Variants in B3GALT1 observed in about 807,000 individuals in gnomAD.
B3GALT1 encodes UDP-Gal:betaGlcNAc beta 1,3-galactosyltransferase, polypeptide 1.
Under a neutral mutation model 23.2 loss-of-function variants are expected in B3GALT1, and 10 were observed. The observed-to-expected ratio is 0.43, with a 90% CI of 0.27 to 0.73. The LOEUF is 0.73. B3GALT1 is among the 30% of genes least tolerant of loss of function. The probability of loss-of-function intolerance (pLI) is 0.21; values close to 1 mark genes in which losing one functional copy is unlikely to be tolerated. For missense variants in B3GALT1, 299 were observed against 405.4 expected, an observed-to-expected ratio of 0.74 and a Z score of 2.25; for synonymous variants, 156 against 141.5, an observed-to-expected ratio of 1.10 and a Z score of -0.73.
chr2:167,696,056 A>C (rs1362753288), intron 3 of B3GALT1, among the ~76,000 whole-genome samples: 1 of 152,182 alleles, frequency 6.6e-6, no homozygotes, highest in East Asian at 1.9e-4. Flanking sequence ...ACTGGCATCC[A>C]TGTGCCCTAC....
At chr2:167,570,219 A>G (rs1235208849) in intron 2 of B3GALT1, among the ~76,000 whole-genome samples, 1 of 151,934 alleles carries the variant, frequency 6.6e-6, no homozygotes, top group Non-Finnish European at 1.5e-5. Flanking sequence ...GTCTTCTGAA[A>G]GAGATTATAG....
At chr2:167,400,787 A>T (rs1698176085) in intron 1 of B3GALT1, among the ~76,000 whole-genome samples, 1 of 152,120 alleles carries the variant, frequency 6.6e-6, no homozygotes, top group African/African-American at 2.4e-5. Context: ...TTAATAGCTT[A>T]ATTGGGTGAA....
At chr2:167,411,518 TATC>T (rs528755915) in intron 1 of B3GALT1, among the ~76,000 whole-genome samples, 427 of 152,008 alleles carry the variant, frequency 2.8e-3, no homozygotes, top group African/African-American at 9.7e-3. Flanking sequence ...AATCCTGAAA[TATC>T]ATCTCACCCC....
intron 2 of B3GALT1, among the ~76,000 whole-genome samples, chr2:167,575,124 A>G (rs1436479619): frequency 6.6e-6 from 1 of 151,818 alleles, no homozygotes; most frequent in African/African-American, 2.4e-5. Context: ...GATAGGAACT[A>G]TCTTATAGCC....
At chr2:167,323,410 G>A (rs942496925) in intron 1 of B3GALT1, among the ~76,000 whole-genome samples, 5 of 147,888 alleles carry the variant, frequency 3.4e-5, no homozygotes, top group Non-Finnish European at 7.5e-5. Flanking sequence ...GAGTAGGCTG[G>A]TATTCAGAAA....
intron 4 of B3GALT1, among the ~76,000 whole-genome samples, chr2:167,850,116 G>T (rs373739317): frequency 2.5e-4 from 38 of 152,216 alleles, no homozygotes; most frequent in African/African-American, 8.9e-4. Context: ...CAACCCACAG[G>T]GTGGGAGAAA....
intron 2 of B3GALT1, among the ~76,000 whole-genome samples, chr2:167,527,102 A>G (rs982373417): frequency 2.6e-5 from 4 of 152,072 alleles, no homozygotes; most frequent in Non-Finnish European, 5.9e-5. Flanking sequence ...ATCATATCCT[A>G]TGATATGATG....
intron 1 of B3GALT1, among the ~76,000 whole-genome samples, chr2:167,429,365 CA>C (rs1698674366): frequency 6.6e-6 from 1 of 151,226 alleles, no homozygotes; most frequent in Non-Finnish European, 1.5e-5. Context: ...AGAATAAAGC[CA>C]AGGTTAACAT....
intron 4 of B3GALT1, among the ~76,000 whole-genome samples, chr2:167,821,773 A>C (rs1350896307): frequency 2.0e-5 from 3 of 152,158 alleles, no homozygotes; most frequent in Non-Finnish European, 2.9e-5. Flanking sequence ...CTGCTCAGAT[A>C]GAGCCACTGA....
At chr2:167,409,469 A>G in intron 1 of B3GALT1, among the ~76,000 whole-genome samples, 1 of 151,810 alleles carries the variant, frequency 6.6e-6, no homozygotes, top group East Asian at 1.9e-4. Flanking sequence ...TTGTTTCTCT[A>G]ATCTTGTCTT....
rs544801211 is a variant in B3GALT1, at chr2:167,751,485, G to C, written c.-351-67187G>C. Among the ~76,000 whole-genome samples, 3 of 152,254 alleles carry C rather than the reference G, an allele frequency of 2.0e-5. No individual in the cohort carries two copies. In the South Asian group the frequency reaches 6.2e-4, roughly 32 times the overall value. On this transcript the variant is annotated intron_variant, in intron 3 of 4. Coordinates refer to ENST00000392690, the MANE Select transcript of B3GALT1 (RefSeq NM_020981.4). ...GTCTGTGGGAGAATTTCAGAACAGA[G>C]AATTTTTTGCCAATATGTCCATTCT...
At chr2:167,825,105 G>T (rs2105370961) in intron 4 of B3GALT1, among the ~76,000 whole-genome samples, 1 of 152,036 alleles carries the variant, frequency 6.6e-6, no homozygotes, top group Non-Finnish European at 1.5e-5. Flanking sequence ...CTAACACGAT[G>T]AAACCCCGTC....
intron 3 of B3GALT1, among the ~76,000 whole-genome samples, chr2:167,728,664 G>A (rs1687359260): frequency 3.3e-5 from 5 of 152,122 alleles, no homozygotes; most frequent in Admixed American, 3.3e-4. Flanking sequence ...ATGTTAAAAA[G>A]CAAACCTTAT....
At chr2:167,298,729 A>G (rs1011956053) in intron 1 of B3GALT1, among the ~76,000 whole-genome samples, 28 of 152,174 alleles carry the variant, frequency 1.8e-4, no homozygotes, top group African/African-American at 6.3e-4. Context: ...TTGGATTTCA[A>G]TGTGATTGAC....
intron 1 of B3GALT1, among the ~76,000 whole-genome samples, chr2:167,488,120 A>G (rs948278598): frequency 6.6e-6 from 1 of 152,228 alleles, no homozygotes; most frequent in African/African-American, 2.4e-5. Flanking sequence ...GATTTGGAGC[A>G]TATATAGGGT....
intron 3 of B3GALT1, among the ~76,000 whole-genome samples, chr2:167,685,510 G>A (rs994614559): frequency 6.6e-6 from 1 of 152,182 alleles, no homozygotes; most frequent in African/African-American, 2.4e-5. Flanking sequence ...GGAAAGGCCT[G>A]TGATTGGAGT....
At chr2:167,555,773 C>T (rs1485301623) in intron 2 of B3GALT1, among the ~76,000 whole-genome samples, 2 of 152,118 alleles carry the variant, frequency 1.3e-5, no homozygotes, top group African/African-American at 4.8e-5. Context: ...GTTCTACTTA[C>T]CATATGGCGT....
chr2:167,633,905 C>A (rs1315954517), intron 2 of B3GALT1, among the ~76,000 whole-genome samples: 1 of 152,020 alleles, frequency 6.6e-6, no homozygotes, highest in Non-Finnish European at 1.5e-5. Flanking sequence ...CTTCTCAGCA[C>A]CACATCACAA....
intron 1 of B3GALT1, among the ~76,000 whole-genome samples, chr2:167,473,741 A>G (rs749998066): frequency 1.3e-5 from 2 of 152,124 alleles, no homozygotes; most frequent in African/African-American, 4.8e-5. Flanking sequence ...GTTTGGGGTT[A>G]ATTTAGGAGG....
Sources: allele counts gnomAD v4.1 joint callset (sites outside exome capture counted in the v4.1 genomes callset), GRCh38; gene constraint gnomAD v4.1.1; transcripts MANE v1.5; gene names NCBI Gene and HGNC (gene_info 2026-07-23, HGNC 2026-07-21).